CACNA2D3: variants seen among roughly 807,000 people sequenced by gnomAD.
The protein encoded by CACNA2D3 is voltage-dependent calcium channel subunit alpha-2/delta-3.
In CACNA2D3, 60 loss-of-function variants were observed where a neutral mutation model predicts 160.6. The ratio of observed to expected loss-of-function variants is 0.37; its 90% CI spans 0.30 to 0.46. CACNA2D3 has a LOEUF of 0.46. Among genes scored for constraint, CACNA2D3 ranks in the 20% least tolerant of loss-of-function variants. CACNA2D3 has a pLI of 1.00. For synonymous variants in CACNA2D3, 558 were observed against 492.9 expected, an observed-to-expected ratio of 1.13 and a Z score of -1.75; for missense variants, 1,205 against 1,365.0, an observed-to-expected ratio of 0.88 and a Z score of 1.85.
intron 2 of CACNA2D3, among the ~76,000 whole-genome samples, chr3:54,261,289 C>T (rs1383654125): frequency 6.6e-6 from 1 of 152,168 alleles, no homozygotes; most frequent in Non-Finnish European, 1.5e-5. Flanking sequence ...AATACTCAAG[C>T]CCGTCTTCTC....
chr3:54,227,367 T>C (rs892231976), intron 2 of CACNA2D3, among the ~76,000 whole-genome samples: 1 of 152,152 alleles, frequency 6.6e-6, no homozygotes, highest in Non-Finnish European at 1.5e-5. Flanking sequence ...TTCACTAGTT[T>C]ACCCAGCTTG....
intron 4 of CACNA2D3, among the ~76,000 whole-genome samples, chr3:54,400,057 G>T (rs1054436112): frequency 7.4e-6 from 1 of 135,260 alleles, no homozygotes; most frequent in East Asian, 2.2e-4. Flanking sequence ...GGAGTGACCC[G>T]ATTTTCCAGG....
intron 27 of CACNA2D3, among the ~76,000 whole-genome samples, chr3:54,960,961 T>A (rs763613356): frequency 2.1e-4 from 32 of 152,354 alleles, no homozygotes; most frequent in Non-Finnish European, 3.2e-4. Context: ...TCCTTGATGC[T>A]CCAGAACAGT....
intron 12 of CACNA2D3, among the ~76,000 whole-genome samples, chr3:54,757,221 A>G (rs1399649253): frequency 3.3e-5 from 5 of 152,182 alleles, no homozygotes; most frequent in Non-Finnish European, 7.3e-5. Flanking sequence ...GTGCAAATAA[A>G]GAAGGGCCTC....
chr3:54,550,385 G>C (rs895804027), intron 5 of CACNA2D3, among the ~76,000 whole-genome samples: 5 of 152,330 alleles, frequency 3.3e-5, no homozygotes, highest in East Asian at 1.9e-4. Flanking sequence ...AGCTGTGAGC[G>C]TGATGGAGTG....
At chr3:54,583,158 A>G (rs1231430008) in intron 9 of CACNA2D3, among the ~76,000 whole-genome samples, 1 of 152,218 alleles carries the variant, frequency 6.6e-6, no homozygotes, top group Non-Finnish European at 1.5e-5. Flanking sequence ...GTAATATTGT[A>G]ATATCCTCCA....
intron 3 of CACNA2D3, among the ~76,000 whole-genome samples, chr3:54,361,663 C>G (rs1559460773): frequency 6.6e-6 from 1 of 152,148 alleles, no homozygotes; most frequent in African/African-American, 2.4e-5. Flanking sequence ...AAAGACTAGG[C>G]TTGTGGTTGA....
chr3:55,025,013 C>G (rs942729574), intron 35 of CACNA2D3, among the ~76,000 whole-genome samples: 1 of 152,186 alleles, frequency 6.6e-6, no homozygotes. Context: ...ATCATAACTA[C>G]AAACTCTATG....
At chr3:54,231,087 A>G (rs1328577878) in intron 2 of CACNA2D3, among the ~76,000 whole-genome samples, 1 of 152,096 alleles carries the variant, frequency 6.6e-6, no homozygotes, top group African/African-American at 2.4e-5. Flanking sequence ...CTAACATGTG[A>G]GCCGGGGTGT....
intron 13 of CACNA2D3, among the ~76,000 whole-genome samples, chr3:54,799,592 T>G (rs994398628): frequency 1.3e-5 from 2 of 152,228 alleles, no homozygotes; most frequent in Non-Finnish European, 2.9e-5. Context: ...CATTGCAGAC[T>G]CTTGAGTTTT....
intron 4 of CACNA2D3, among the ~76,000 whole-genome samples, chr3:54,403,306 G>A (rs1699505412): frequency 6.6e-6 from 1 of 151,342 alleles, no homozygotes; most frequent in African/African-American, 2.4e-5. Flanking sequence ...AATGAGCCAA[G>A]ATTATGCCAC....
intron 2 of CACNA2D3, among the ~76,000 whole-genome samples, chr3:54,256,739 A>T (rs1191097485): frequency 7.1e-6 from 1 of 140,702 alleles, no homozygotes; most frequent in Non-Finnish European, 1.5e-5. Context: ...GACCACTGTA[A>T]GGAGTGAGAC....
intron 31 of CACNA2D3, among the ~76,000 whole-genome samples, chr3:54,991,022 G>A (rs1240268497): frequency 3.3e-5 from 5 of 152,056 alleles, no homozygotes; most frequent in African/African-American, 1.2e-4. Flanking sequence ...AGACCAATAG[G>A]TTCAGCAGCA....
chr3:54,944,245 A>G (rs1701551271), intron 27 of CACNA2D3, among the ~76,000 whole-genome samples: 1 of 152,024 alleles, frequency 6.6e-6, no homozygotes, highest in African/African-American at 2.4e-5. Context: ...TTGCTTTAGA[A>G]ATGCATATCC....
intron 11 of CACNA2D3, among the ~76,000 whole-genome samples, chr3:54,669,685 G>A (rs184516319): frequency 1.2e-4 from 19 of 152,214 alleles, no homozygotes; most frequent in African/African-American, 4.6e-4. Flanking sequence ...TACTGCATTA[G>A]AGAAAGTATC....
At chr3:54,167,402 GCATCTT>G (rs1461008475) in intron 2 of CACNA2D3, among the ~76,000 whole-genome samples, 25 of 152,244 alleles carry the variant, frequency 1.6e-4, no homozygotes, top group African/African-American at 5.8e-4. Flanking sequence ...CCAAGACATA[GCATCTT>G]CCAGCGGGTT....
intron 4 of CACNA2D3, among the ~76,000 whole-genome samples, chr3:54,463,179 C>T (rs1575469465): frequency 1.3e-5 from 2 of 152,028 alleles, no homozygotes; most frequent in East Asian, 1.9e-4. Flanking sequence ...TTGTGGGTAA[C>T]CCGACCTTTC....
At chr3:54,954,451 A>G (rs929481092) in intron 27 of CACNA2D3, among the ~76,000 whole-genome samples, 9 of 152,232 alleles carry the variant, frequency 5.9e-5, no homozygotes, top group African/African-American at 2.2e-4. Flanking sequence ...CTGCTCTGGT[A>G]GTTTCCAGAG....
chr3:54,187,277 C>A (rs566522980), intron 2 of CACNA2D3, among the ~76,000 whole-genome samples: 1 of 152,340 alleles, frequency 6.6e-6, no homozygotes, highest in East Asian at 1.9e-4. Flanking sequence ...GCAAATAAAA[C>A]TTAATATACT....
Sources: gnomAD v4.1 joint callset for allele counts (sites outside exome capture counted in the v4.1 genomes callset) on GRCh38, gnomAD v4.1.1 for gene constraint, MANE v1.5 for transcripts, NCBI Gene and HGNC (gene_info 2026-07-23, HGNC 2026-07-21) for gene names.